PPFIA1: variants seen among roughly 807,000 people sequenced by gnomAD.
The protein encoded by PPFIA1 is liprin-alpha-1.
A neutral mutation model predicts 149.9 loss-of-function variants in PPFIA1; 25 were observed. That is an observed-to-expected ratio of 0.17 (90% CI 0.12 to 0.23). The LOEUF (loss-of-function observed/expected upper bound fraction) is 0.23. Among genes scored for constraint, PPFIA1 ranks in the 10% least tolerant of loss-of-function variants. The probability of loss-of-function intolerance (pLI) is 1.00; values close to 1 mark genes in which losing one functional copy is unlikely to be tolerated. For synonymous variants in PPFIA1, 549 were observed against 552.8 expected (o/e 0.99, Z 0.10); for missense variants, 1,362 against 1,506.5 (o/e 0.90, Z 1.59).
chr11:70,371,279 G>C (rs1300529365), intron 21 of PPFIA1: 1 of 2,358 alleles, frequency 4.2e-4, no homozygotes, highest in Non-Finnish European at 8.5e-4. Flanking sequence ...AGTATGTTGA[G>C]ATTTGTCTGT....
At chr11:70,295,692 C>T (rs1374409087) in intron 2 of PPFIA1, among the ~76,000 whole-genome samples, 5 of 146,204 alleles carry the variant, frequency 3.4e-5, no homozygotes, top group Non-Finnish European at 6.1e-5. Flanking sequence ...GGGGCTGACC[C>T]CCCCCACCTC....
At chr11:70,362,515 C>G (rs1456397438) in intron 21 of PPFIA1, 27 bp downstream of exon 21, 2 of 1,548,504 alleles carry the variant, frequency 1.3e-6, no homozygotes, top group Non-Finnish European at 1.7e-6. Context: ...CCCCTGCATT[C>G]TTTGGAAACA....
At chr11:70,301,982 G>C (rs2052515554) in intron 2 of PPFIA1, among the ~76,000 whole-genome samples, 1 of 152,236 alleles carries the variant, frequency 6.6e-6, no homozygotes, top group African/African-American at 2.4e-5. Context: ...GTGGCTTGGG[G>C]TTTTAACAGT....
chr11:70,271,609 G>C (rs2050098656), intron 1 of PPFIA1, among the ~76,000 whole-genome samples: 1 of 151,968 alleles, frequency 6.6e-6, no homozygotes, highest in African/African-American at 2.4e-5. Context: ...TAACGAATCC[G>C]GTTCCTTTTA....
chr11:70,361,968 C>A, intron 19 of PPFIA1, 127 bp from the exon 20 acceptor site: 1 of 810,644 alleles, frequency 1.2e-6, no homozygotes. Flanking sequence ...GCTGTGTTGT[C>A]TAGGCTGGTC....
At chr11:70,308,657 C>G (rs553364327) in intron 2 of PPFIA1, among the ~76,000 whole-genome samples, 1 of 152,020 alleles carries the variant, frequency 6.6e-6, no homozygotes, top group Non-Finnish European at 1.5e-5. Flanking sequence ...AGAGGCTGGG[C>G]GCAGTGGCTC....
At chr11:70,307,623 A>G (rs1216688212) in intron 2 of PPFIA1, among the ~76,000 whole-genome samples, 3 of 152,176 alleles carry the variant, frequency 2.0e-5, no homozygotes, top group Non-Finnish European at 4.4e-5. Flanking sequence ...GTAAAAAAAA[A>G]GAAAGAAAAA....
intron 2 of PPFIA1, 81 bp downstream of exon 2, chr11:70,272,517 C>T (rs2050151719): frequency 2.8e-6 from 4 of 1,414,690 alleles, no homozygotes; most frequent in Non-Finnish European, 3.8e-6. Context: ...GTTAATGTTT[C>T]AGATGAGTAT....
chr11:70,382,942 C>T, intron 27 of PPFIA1, 61 bp from the exon 28 acceptor site: 1 of 357,848 alleles, frequency 2.8e-6, no homozygotes, highest in South Asian at 2.1e-5. Context: ...ATCAGAAGTT[C>T]CCGTTCGTCA....
intron 2 of PPFIA1, among the ~76,000 whole-genome samples, chr11:70,282,789 C>T (rs2050846092): frequency 6.7e-6 from 1 of 150,042 alleles, no homozygotes; most frequent in African/African-American, 2.5e-5. Flanking sequence ...CATGCCTTGG[C>T]CTCCCAAAGT....
intron 21 of PPFIA1, among the ~76,000 whole-genome samples, chr11:70,370,194 A>G (rs1029969331): frequency 6.6e-6 from 1 of 151,690 alleles, no homozygotes; most frequent in African/African-American, 2.4e-5. Context: ...GATAGTGGTG[A>G]TTTATATCTT....
intron 13 of PPFIA1, 140 bp from the exon 14 acceptor site, chr11:70,339,031 G>A: frequency 2.1e-6 from 2 of 963,110 alleles, no homozygotes; most frequent in Non-Finnish European, 3.0e-6. Context: ...TAGCTCTTGG[G>A]GCAGATGAGA....
intron 2 of PPFIA1, among the ~76,000 whole-genome samples, chr11:70,295,236 A>AC (rs1381178081): frequency 2.9e-5 from 3 of 102,300 alleles, no homozygotes; most frequent in African/African-American, 1.2e-4. Flanking sequence ...CGAGGGGCTG[A>AC]CCCCCCCACC....
intron 2 of PPFIA1, among the ~76,000 whole-genome samples, chr11:70,308,137 C>T (rs931226232): frequency 1.3e-5 from 2 of 152,216 alleles, no homozygotes; most frequent in Non-Finnish European, 2.9e-5. Context: ...CAACCTTCGC[C>T]TCCTGGGATC....
intron 2 of PPFIA1, among the ~76,000 whole-genome samples, chr11:70,275,257 A>G (rs1282256207): frequency 6.6e-6 from 1 of 152,134 alleles, no homozygotes; most frequent in Non-Finnish European, 1.5e-5. Context: ...TCTTTTGTGA[A>G]ACGGTTATCT....
At chr11:70,284,000 A>G (rs759199954) in intron 2 of PPFIA1, 27 of 533,480 alleles carry the variant, frequency 5.1e-5, no homozygotes, top group South Asian at 3.1e-4. Context: ...GTACTTGCGG[A>G]TTTTGCTTTA....
chr11:70,314,379 A>C (rs1035525829), intron 2 of PPFIA1, among the ~76,000 whole-genome samples: 2 of 152,202 alleles, frequency 1.3e-5, no homozygotes, highest in Non-Finnish European at 2.9e-5. Context: ...AAAGTTTCTG[A>C]ACAAGTTACG....
intron 1 of PPFIA1, 122 bp from the exon 2 acceptor site, chr11:70,272,051 A>G: frequency 9.0e-7 from 1 of 1,106,210 alleles, no homozygotes; most frequent in African/African-American, 1.6e-5. Flanking sequence ...CACACAAAGC[A>G]TAACAGATCT....
intron 2 of PPFIA1, among the ~76,000 whole-genome samples, chr11:70,274,763 G>T (rs1402188521): frequency 1.3e-5 from 2 of 151,896 alleles, no homozygotes; most frequent in Non-Finnish European, 2.9e-5. Context: ...CTGTTGCCCA[G>T]GCTGGAGTGC....
Sources: allele counts gnomAD v4.1 joint callset (sites outside exome capture counted in the v4.1 genomes callset), GRCh38; gene constraint gnomAD v4.1.1; transcripts MANE v1.5; gene names NCBI Gene and HGNC (gene_info 2026-07-23, HGNC 2026-07-21).